HSPBAP1: variants seen among roughly 807,000 people sequenced by gnomAD.
HSPBAP1 encodes HSPB1 associated protein 1.
A neutral mutation model predicts 45.2 loss-of-function variants in HSPBAP1; 27 were observed. The ratio of observed to expected loss-of-function variants is 0.60; its 90% CI spans 0.44 to 0.82. The LOEUF (loss-of-function observed/expected upper bound fraction) is 0.82. HSPBAP1 is among the 40% of genes least tolerant of loss of function. HSPBAP1 has a pLI of 0.00. For synonymous variants in HSPBAP1, 204 were observed against 202.7 expected (o/e 1.01, Z -0.06); for missense variants, 510 against 590.9 (o/e 0.86, Z 1.42).
At position 122,755,254 on chromosome 3, in the gene HSPBAP1, T is replaced by A; in HGVS notation, c.741+6A>T. On this transcript the variant is annotated splice_donor_region_variant and intron_variant, in intron 5 of 7. Transcript: ENST00000306103. ...GCAGGTCATTAATGTTTTAAAGCCC[T>A]ATTACCTGTCCTGGGCTCAGTGTAA... is the stretch of plus-strand genomic sequence containing the variant. The A allele has an allele frequency of 1.3e-6, 2 of 1,549,094 alleles. No individual in the cohort carries two copies. Among genetic ancestry groups the A allele is most frequent in the South Asian group, 1.2e-5 (1 of 81,204 alleles).
rs1192805798 is a variant in HSPBAP1 at position 122,779,675 on chromosome 3, C to G, written c.65-1769G>C. Among the ~76,000 whole-genome samples the G allele has an allele frequency of 3.3e-5, 5 of 149,376 alleles. 1 individual carries two copies. Among genetic ancestry groups the G allele is most frequent in the Admixed American group, 6.7e-5 (1 of 14,884 alleles). Reference sequence around the variant, plus strand: ...TGCGGCCTTCCGCAGTGTTTGTGTCCCTGATTACTTGAGATTAGGGATTGG... The same window carrying G: ...TGCGGCCTTCCGCAGTGTTTGTGTCGCTGATTACTTGAGATTAGGGATTGG... On this transcript the variant is annotated intron_variant, in intron 1 of 7. Transcript: ENST00000306103.
chr3:122,770,712 A>C (rs950422416), intron 2 of HSPBAP1, among the ~76,000 whole-genome samples: 1 of 152,170 alleles, frequency 6.6e-6, no homozygotes, highest in Non-Finnish European at 1.5e-5. Flanking sequence ...AAAAAACAAA[A>C]AACAAAAAAC....
intron 1 of HSPBAP1, among the ~76,000 whole-genome samples, chr3:122,788,940 T>C (rs1935737228): frequency 6.6e-6 from 1 of 152,242 alleles, no homozygotes; most frequent in Non-Finnish European, 1.5e-5. Flanking sequence ...TTTTATGTTA[T>C]ATGTTTTTAC....
intron 2 of HSPBAP1, among the ~76,000 whole-genome samples, chr3:122,775,427 C>A (rs985717842): frequency 4.6e-5 from 7 of 152,096 alleles, no homozygotes; most frequent in African/African-American, 1.7e-4. Context: ...AAACACAAAT[C>A]AAAACTATAA....
chr3:122,759,195 ACAC>A (rs764021673), intron 4 of HSPBAP1, 26 bp downstream of exon 4: 387 of 1,553,706 alleles, frequency 2.5e-4, no homozygotes, highest in African/African-American at 1.2e-3. Context: ...CCACACACAC[ACAC>A]ACACACACAC....
At chr3:122,783,891 C>A (rs966301367) in intron 1 of HSPBAP1, among the ~76,000 whole-genome samples, 2 of 150,954 alleles carry the variant, frequency 1.3e-5, no homozygotes, top group Non-Finnish European at 1.5e-5. Context: ...AGTGCAGTGG[C>A]GGGATCTCGG....
chr3:122,774,153 TC>T (rs1312116844), intron 2 of HSPBAP1, among the ~76,000 whole-genome samples: 1 of 152,174 alleles, frequency 6.6e-6, no homozygotes, highest in Non-Finnish European at 1.5e-5. Flanking sequence ...GAAGTGACCT[TC>T]TTGAGGGGAA....
chr3:122,755,114 A>G, intron 5 of HSPBAP1, 146 bp downstream of exon 5: 1 of 1,219,568 alleles, frequency 8.2e-7, no homozygotes, highest in Admixed American at 4.1e-5. Flanking sequence ...ACAACTGGGG[A>G]AGCTACCTTC....
At position 122,740,808 on chromosome 3, in the gene HSPBAP1, C is replaced by T. The variant is rs200178798; in HGVS notation, c.1004G>A (p.Arg335His). ...LNAAVSAFFD[R>H]CRTSEVVEIQ... is the part of the protein sequence containing the mutation. ...TTCTACTACCTCAGATGTTCTGCAGCGATCAAAAAATGCAGAAACAGCTGC... is the reference window on the plus strand; with the variant it reads ...TTCTACTACCTCAGATGTTCTGCAGTGATCAAAAAATGCAGAAACAGCTGC... Residue 335 changes from arginine (R) to histidine (H), a missense_variant, in exon 8 of 8, where the codon CGC (arginine) becomes CAC (histidine). Arg to His is a conservative substitution (Grantham distance 29). Coordinates refer to ENST00000306103, the MANE Select transcript of HSPBAP1 (RefSeq NM_024610.6). 339 of 1,613,868 alleles carry T rather than the reference C, an allele frequency of 2.1e-4. 1 individual carries two copies. Among genetic ancestry groups the T allele is most frequent in the Middle Eastern group, 3.3e-4 (2 of 6,084 alleles).
chr3:122,777,604 T>A, intron 2 of HSPBAP1, 117 bp downstream of exon 2: 1 of 675,502 alleles, frequency 1.5e-6, no homozygotes. Flanking sequence ...GTATGTGCAG[T>A]GAATGGTCAA....
chr3:122,761,445 C>T (rs1008961095), intron 3 of HSPBAP1: 3 of 152,032 alleles, frequency 2.0e-5, no homozygotes, highest in African/African-American at 7.3e-5. Context: ...ACTTCCCTGG[C>T]CTCCTGTCTA....
At position 122,776,382 on chromosome 3, in the gene HSPBAP1, T is replaced by C. The variant is rs552702996; in HGVS notation, c.250+1339A>G. The stretch of plus-strand genomic sequence containing the variant: ...TTTTTTTTGTGCTTAAGTATTAACT[T>C]GAAAATGTCAAATTACTGTGTCTTA... On this transcript the variant is annotated intron_variant, in intron 2 of 7. Transcript: ENST00000306103. Among the ~76,000 whole-genome samples, 4 of 152,344 alleles carry C rather than the reference T, an allele frequency of 2.6e-5. No individual in the cohort carries two copies. The South Asian group carries it at 8.3e-4, about 32-fold the overall frequency.
At chr3:122,757,169 G>GTA (rs1934387060) in intron 4 of HSPBAP1, among the ~76,000 whole-genome samples, 2 of 152,184 alleles carry the variant, frequency 1.3e-5, no homozygotes, top group Non-Finnish European at 2.9e-5. Flanking sequence ...ATTAGAAAAG[G>GTA]TATTCAATCA....
intron 1 of HSPBAP1, among the ~76,000 whole-genome samples, chr3:122,779,964 C>A (rs1019407989): frequency 3.5e-4 from 54 of 152,202 alleles, no homozygotes; most frequent in Admixed American, 2.4e-3. Context: ...ACCTTTCCCC[C>A]CTTTCCATTC....
chr3:122,756,465 A>G (rs192953096), intron 4 of HSPBAP1, among the ~76,000 whole-genome samples: 96 of 152,224 alleles, frequency 6.3e-4, no homozygotes, highest in African/African-American at 2.3e-3. Context: ...GGCAGAAGGA[A>G]TGCTTGAGGC....
In HSPBAP1 at chr3:122,754,612, G is replaced by A. The variant is rs752201218; in HGVS notation, c.741+648C>T. The A allele has an allele frequency of 4.1e-6, 4 of 984,296 alleles. No individual in the cohort carries two copies. In the African/African-American group the frequency reaches 7.0e-5, roughly 17 times the overall value. The allele number at this position is 984,296 out of a possible 1,614,324, so 61.0% of individuals were successfully genotyped here. ...TACAATGGATGGAAGACAGGCAAGGGAGAGGGATAATCGAGAGAATAAAAT... is the reference window on the plus strand; with the variant it reads ...TACAATGGATGGAAGACAGGCAAGGAAGAGGGATAATCGAGAGAATAAAAT... On this transcript the variant is annotated intron_variant, in intron 5 of 7. Coordinates refer to ENST00000306103, the MANE Select transcript of HSPBAP1 (RefSeq NM_024610.6).
At chr3:122,781,721 G>A (rs1935492149) in intron 1 of HSPBAP1, among the ~76,000 whole-genome samples, 1 of 152,124 alleles carries the variant, frequency 6.6e-6, no homozygotes, top group South Asian at 2.1e-4. Flanking sequence ...AGAACTTGTG[G>A]TATTTGGCTG....
In HSPBAP1 at chr3:122,741,080, T is replaced by C. The variant is rs1159906128; in HGVS notation, c.859A>G (p.Ile287Val). 4.3e-6 allele frequency: 7 copies of C among 1,614,094 alleles called. No homozygotes were observed. Among genetic ancestry groups the C allele is most frequent in the South Asian group, 1.1e-5 (1 of 91,082 alleles). Residue 287 changes from isoleucine (I) to valine (V), a missense_variant, in exon 7 of 8, where the codon ATC becomes GTC. Coordinates refer to ENST00000306103, the MANE Select transcript of HSPBAP1 (RefSeq NM_024610.6). ...EDHLARVEEA[I>V]TRMLVCALKT... Reference sequence around the variant, plus strand: ...AGGGCACACACAAGCATACGGGTGATTGCCTCTTCTACCCGGGCTAGGTGA... The same window carrying C: ...AGGGCACACACAAGCATACGGGTGACTGCCTCTTCTACCCGGGCTAGGTGA...
At chr3:122,761,004 C>T (rs745355007) in intron 3 of HSPBAP1, among the ~76,000 whole-genome samples, 4 of 152,190 alleles carry the variant, frequency 2.6e-5, no homozygotes, top group South Asian at 2.1e-4. Flanking sequence ...ATGTAACAAG[C>T]GCTCTGACAC....
Sources: allele counts gnomAD v4.1 joint callset (sites outside exome capture counted in the v4.1 genomes callset), GRCh38; gene constraint gnomAD v4.1.1; transcripts MANE v1.5; gene names NCBI Gene and HGNC (gene_info 2026-07-23, HGNC 2026-07-21).